The following JAKMIP1 variants were observed in gnomAD, a reference collection of about 807,000 sequenced individuals.
JAKMIP1 encodes janus kinase and microtubule-interacting protein 1.
Under a neutral mutation model 113.0 loss-of-function variants are expected in JAKMIP1, and 33 were observed. That is an observed-to-expected ratio of 0.29 (90% CI 0.22 to 0.39). The LOEUF (loss-of-function observed/expected upper bound fraction) is 0.39. Ranked by LOEUF, JAKMIP1 falls within the 10% of genes least tolerant of loss-of-function variation. The pLI is 1.00. For synonymous variants in JAKMIP1, 480 were observed against 459.9 expected (o/e 1.04, Z -0.56); for missense variants, 813 against 1,080.5 (o/e 0.75, Z 3.47).
intron 16 of JAKMIP1, among the ~76,000 whole-genome samples, chr4:6,048,189 C>A (rs1353929233): frequency 2.6e-5 from 4 of 152,196 alleles, no homozygotes; most frequent in Non-Finnish European, 5.9e-5. Flanking sequence ...CGGTAACATG[C>A]CATGTCAAGC....
intron 8 of JAKMIP1, among the ~76,000 whole-genome samples, chr4:6,066,564 C>T (rs1348023189): frequency 2.0e-5 from 3 of 152,206 alleles, no homozygotes; most frequent in East Asian, 1.9e-4. Flanking sequence ...CCCCCAACAC[C>T]GCACCTCCCG....
At chr4:6,092,483 C>T (rs1722224413) in intron 3 of JAKMIP1, among the ~76,000 whole-genome samples, 1 of 152,230 alleles carries the variant, frequency 6.6e-6, no homozygotes, top group South Asian at 2.1e-4. Flanking sequence ...TCTGGGAATG[C>T]ACGGGGCTTG....
chr4:6,028,023 A>G (rs890961931), intron 20 of JAKMIP1, among the ~76,000 whole-genome samples: 7 of 152,114 alleles, frequency 4.6e-5, no homozygotes, highest in African/African-American at 1.7e-4. Flanking sequence ...TTATCCCTAC[A>G]TCCACCCTCA....
At chr4:6,145,839 C>T (rs190761044) in intron 1 of JAKMIP1, among the ~76,000 whole-genome samples, 2 of 152,262 alleles carry the variant, frequency 1.3e-5, no homozygotes, top group African/African-American at 2.4e-5. Context: ...TGTCCATGTC[C>T]TAATATCTCC....
At chr4:6,128,994 C>T (rs1401852465) in intron 1 of JAKMIP1, among the ~76,000 whole-genome samples, 1 of 152,232 alleles carries the variant, frequency 6.6e-6, no homozygotes. Context: ...TTGCAACCTT[C>T]AGAGCTCCTT....
rs145272800 is a variant in JAKMIP1 at position 6,161,805 on chromosome 4, G to C, written c.-148+38448C>G. Among the ~76,000 whole-genome samples the C allele has an allele frequency of 1.5e-3, 234 of 152,238 alleles. 2 individuals are homozygous for C. Among genetic ancestry groups the C allele is most frequent in the African/African-American group, 5.2e-3 (215 of 41,562 alleles). On this transcript the variant is annotated intron_variant, in intron 1 of 20. Transcript: ENST00000409021. ...GGAACTGGAGGGCCGGATTAGATGAGGTAGAACCCAGGAGGTTGTCACTGT... is the reference window on the plus strand; with the variant it reads ...GGAACTGGAGGGCCGGATTAGATGACGTAGAACCCAGGAGGTTGTCACTGT...
intron 1 of JAKMIP1, among the ~76,000 whole-genome samples, chr4:6,114,304 T>C (rs193023607): frequency 6.6e-6 from 1 of 152,250 alleles, no homozygotes; most frequent in Admixed American, 6.5e-5. Flanking sequence ...ATGGTGTGTC[T>C]AGAAGAAGGA....
At position 6,065,406 on chromosome 4, in the gene JAKMIP1, G is replaced by T. The variant is rs1717924352; in HGVS notation, c.1303-398C>A. 6.6e-6 allele frequency among the ~76,000 whole-genome samples: 1 copy of T among 152,224 alleles called. No homozygotes were observed. The highest frequency in any genetic ancestry group is 2.4e-5 in the African/African-American group (1 of 41,464). On this transcript the variant is annotated intron_variant, in intron 8 of 20. Transcript: ENST00000409021. This position sits in a 1 kb window ranked among gnomAD's most constrained non-coding sequence, Gnocchi z 5.1. The stretch of plus-strand genomic sequence containing the variant: ...AGCCCAGCACTCCGTCACGCTCCAT[G>T]AGCAGCGCACTGGCTGTACCAAGGA...
intron 8 of JAKMIP1, among the ~76,000 whole-genome samples, chr4:6,077,244 G>T (rs1719809336): frequency 6.6e-6 from 1 of 152,022 alleles, no homozygotes; most frequent in African/African-American, 2.4e-5. Context: ...CAGCATGAGT[G>T]GTGGCTTTAT....
At chr4:6,103,252 C>CT (rs1713386247) in intron 3 of JAKMIP1, among the ~76,000 whole-genome samples, 1 of 152,144 alleles carries the variant, frequency 6.6e-6, no homozygotes, top group Non-Finnish European at 1.5e-5. Flanking sequence ...TTTTCTGCAT[C>CT]TATTAAGATG....
intron 16 of JAKMIP1, 82 bp downstream of exon 16, chr4:6,048,775 G>T: frequency 1.7e-6 from 2 of 1,200,230 alleles, no homozygotes; most frequent in Non-Finnish European, 1.2e-6. Flanking sequence ...CCCACGCAAA[G>T]CAAGACGCCA....
intron 1 of JAKMIP1, among the ~76,000 whole-genome samples, chr4:6,172,584 G>C (rs909743563): frequency 2.0e-5 from 3 of 152,108 alleles, no homozygotes; most frequent in Admixed American, 6.5e-5. Flanking sequence ...CACCCACACA[G>C]GACATTGTGC....
Position 6,069,964 on chromosome 4 carries a change from C to T in JAKMIP1, c.1303-4956G>A, listed in dbSNP as rs1339447236. ...CTTCTCACCTTCCTATCATTTTCAA[C>T]AGAGCCACCTGTCACAGGCAGGAGC... On this transcript the variant is annotated intron_variant, in intron 8 of 20. Transcript: ENST00000409021. The surrounding 1 kb of genome is among the most constrained non-coding windows in gnomAD (Gnocchi z 4.5). 1 of 396,650 alleles carries T rather than the reference C, an allele frequency of 2.5e-6. No individual in the cohort carries two copies. The highest frequency in any genetic ancestry group is 4.4e-6 in the Non-Finnish European group (1 of 225,088). 24.6% of individuals were successfully genotyped at this position (396,650 alleles called of 1,614,324 possible). A position where few individuals can be genotyped will look rare whatever the true frequency, so the allele number is the denominator to read the frequency against.
At chr4:6,119,818 C>T (rs1280179604) in intron 1 of JAKMIP1, among the ~76,000 whole-genome samples, 1 of 152,190 alleles carries the variant, frequency 6.6e-6, no homozygotes, top group Non-Finnish European at 1.5e-5. Flanking sequence ...AAAAAGTAAG[C>T]CTCAGAAAGC....
chr4:6,065,057 A>G lies in JAKMIP1; in HGVS notation c.1303-49T>C. On this transcript the variant is annotated intron_variant, in intron 8 of 20. Coordinates refer to ENST00000409021, the MANE Select transcript of JAKMIP1 (RefSeq NM_001099433.2). The surrounding 1 kb of genome is among the most constrained non-coding windows in gnomAD (Gnocchi z 5.1). ...GTTAGCAACGACTGAGGATTGCCAG[A>G]GTCTACCAGTCCCTGGTCGTGGGCA... 6.2e-7 allele frequency: 1 copy of G among 1,611,022 alleles called. No individual in the cohort carries two copies. The highest frequency in any genetic ancestry group is 8.5e-7 in the Non-Finnish European group (1 of 1,178,434).
intron 3 of JAKMIP1, among the ~76,000 whole-genome samples, chr4:6,101,901 G>GT (rs1397651840): frequency 1.0e-3 from 30 of 29,502 alleles, no homozygotes; most frequent in African/African-American, 2.6e-3. Context: ...GCAAGACTCA[G>GT]TTAAAAAAAA....
chr4:6,145,785 C>T (rs1413969319), intron 1 of JAKMIP1, among the ~76,000 whole-genome samples: 1 of 152,116 alleles, frequency 6.6e-6, no homozygotes, highest in Non-Finnish European at 1.5e-5. Context: ...GGCTTGTAGA[C>T]CCTGCCTTCT....
In JAKMIP1 at chr4:6,078,984, C is replaced by T. The variant is rs1451884097; in HGVS notation, c.1257G>A (p.Leu419=). The T allele has an allele frequency of 1.9e-6, 3 of 1,614,214 alleles. No individual in the cohort carries two copies. The highest frequency in any genetic ancestry group is 4.5e-5 in the East Asian group (2 of 44,880). ...TCCCTCGATGCCTTTTGGAGCGCAA[C>T]AGCCGTTCTCTCTCCTAGAAGGAAA... The part of the protein sequence containing the change: ...IDDLSLERER[L]LRSKRHRGKS... Residue 419 remains leucine, a synonymous_variant, in exon 8 of 21, where the codon CTG becomes CTA. Transcript: ENST00000409021.
At position 6,089,656 on chromosome 4, in the gene JAKMIP1, G is replaced by A. The variant is rs1020190032; in HGVS notation, c.625-4027C>T. On this transcript the variant is annotated intron_variant, in intron 3 of 20. Coordinates refer to ENST00000409021, the MANE Select transcript of JAKMIP1 (RefSeq NM_001099433.2). The surrounding 1 kb of genome is among the most constrained non-coding windows in gnomAD (Gnocchi z 5.3). The stretch of plus-strand genomic sequence containing the variant: ...TAAGCAGTCAAGTCCACCAGGAAAT[G>A]TATCTTAGTGAAAACAAGCCCACTG... 1.8e-4 allele frequency among the ~76,000 whole-genome samples: 28 copies of A among 152,310 alleles called. No individual in the cohort carries two copies. Among genetic ancestry groups the A allele is most frequent in the African/African-American group, 6.5e-4 (27 of 41,570 alleles).
Sources: allele counts gnomAD v4.1 joint callset (sites outside exome capture counted in the v4.1 genomes callset), GRCh38; gene constraint gnomAD v4.1.1; non-coding constraint Gnocchi (gnomAD v3.1); transcripts MANE v1.5; gene names NCBI Gene and HGNC (gene_info 2026-07-23, HGNC 2026-07-21).